The following CDH1 variants were observed in gnomAD, a reference collection of about 807,000 sequenced individuals.
CDH1 encodes the protein cadherin 1, also known as cadherin-1.
In CDH1, 35 loss-of-function variants were observed where a neutral mutation model predicts 84.5. The ratio of observed to expected loss-of-function variants is 0.41; its 90% CI spans 0.32 to 0.55. CDH1 has a LOEUF of 0.55. Ranked by LOEUF, CDH1 falls within the 20% of genes least tolerant of loss-of-function variation. The probability of loss-of-function intolerance (pLI) is 0.19; values close to 1 mark genes in which losing one functional copy is unlikely to be tolerated. For missense variants in CDH1, 994 were observed against 1,126.6 expected (o/e 0.88, Z 1.68); for synonymous variants, 417 against 439.0 (o/e 0.95, Z 0.63).
At position 68,829,739 on chromosome 16, in the gene CDH1, T is replaced by C. The variant is rs1447544874; in HGVS notation, c.2381T>C (p.Val794Ala). The C allele has an allele frequency of 1.9e-6, 3 of 1,613,936 alleles. No homozygotes were observed. The highest frequency in any genetic ancestry group is 3.3e-5 in the Admixed American group (2 of 59,980). The change falls in exon 15 of 16, where the codon GTC becomes GCC. Residue 794 changes from valine to alanine, a missense_variant. Coordinates refer to ENST00000261769, the MANE Select transcript of CDH1 (RefSeq NM_004360.5). ...RNDVAPTLMSVPRYLPRPANP... is the reference protein window; with the variant it reads ...RNDVAPTLMSAPRYLPRPANP... ...GACGTTGCACCAACCCTCATGAGTG[T>C]CCCCCGGTATCTTCCCCGCCCTGCC...
chr16:68,796,033 G>A (rs1960349513), intron 2 of CDH1, among the ~76,000 whole-genome samples: 1 of 151,796 alleles, frequency 6.6e-6, no homozygotes, highest in East Asian at 2.0e-4. Flanking sequence ...CGTGGTGGCA[G>A]GCACCTGTAA....
chr16:68,764,689 A>C (rs560319535), intron 2 of CDH1, among the ~76,000 whole-genome samples: 1 of 152,336 alleles, frequency 6.6e-6, no homozygotes, highest in Admixed American at 6.5e-5. Flanking sequence ...AAAGCAAGCA[A>C]AATATGCAAG....
At chr16:68,778,071 G>A (rs113230604) in intron 2 of CDH1, among the ~76,000 whole-genome samples, 12 of 151,416 alleles carry the variant, frequency 7.9e-5, no homozygotes, top group Middle Eastern at 3.4e-3. Flanking sequence ...TTTTTGAGAC[G>A]GAATCTCGCT....
chr16:68,823,338 T>C, intron 12 of CDH1, 61 bp from the exon 13 acceptor site: 2 of 1,234,720 alleles, frequency 1.6e-6, no homozygotes, highest in Non-Finnish European at 2.4e-6. Flanking sequence ...AATTTTATTC[T>C]GGAATGAGCT....
At chr16:68,799,697 A>G (rs1247205492) in intron 2 of CDH1, among the ~76,000 whole-genome samples, 1 of 151,970 alleles carries the variant, frequency 6.6e-6, no homozygotes, top group Non-Finnish European at 1.5e-5. Context: ...TCTATAAACT[A>G]ATATAATCTT....
At chr16:68,795,590 G>A (rs368058942) in intron 2 of CDH1, among the ~76,000 whole-genome samples, 1 of 152,088 alleles carries the variant, frequency 6.6e-6, no homozygotes, top group Non-Finnish European at 1.5e-5. Context: ...TGCCTCCTGT[G>A]TTCGAGCAAT....
In CDH1 at chr16:68,823,616, T is replaced by G. The variant is rs1445172318; in HGVS notation, c.2154T>G (p.Leu718=). The change falls in exon 13 of 16, where the codon CTT becomes CTG. Residue 718 remains leucine, a synonymous_variant. Transcript: ENST00000261769. ...PAILGILGGI[L]ALLILILLLL... is the part of the protein sequence containing the mutation. ...TTCTGGGGATTCTTGGAGGAATTCTTGCTTTGCTAAGTAAGTCCAGCTGGC... is the reference window on the plus strand; with the variant it reads ...TTCTGGGGATTCTTGGAGGAATTCTGGCTTTGCTAAGTAAGTCCAGCTGGC... The G allele has an allele frequency of 1.2e-6, 2 of 1,610,614 alleles. No individual in the cohort carries two copies.
At chr16:68,816,144 T>C (rs1002451400) in intron 10 of CDH1, among the ~76,000 whole-genome samples, 19 of 152,146 alleles carry the variant, frequency 1.2e-4, no homozygotes, top group Non-Finnish European at 2.5e-4. Context: ...CAGCCTTCCA[T>C]GTAGCCAGGA....
chr16:68,808,395 A>G (rs1960722514), intron 3 of CDH1, 29 bp from the exon 4 acceptor site: 1 of 1,613,960 alleles, frequency 6.2e-7, no homozygotes, highest in South Asian at 1.1e-5. Context: ...GAATTGTCTT[A>G]TCTTGTTCCT....
intron 2 of CDH1, among the ~76,000 whole-genome samples, chr16:68,755,558 T>C (rs1962997709): frequency 1.3e-5 from 2 of 151,910 alleles, no homozygotes; most frequent in South Asian, 4.1e-4. Context: ...GCCAGGCATT[T>C]TCTAGAGAAG....
At chr16:68,770,313 G>T (rs1959529039) in intron 2 of CDH1, among the ~76,000 whole-genome samples, 2 of 152,026 alleles carry the variant, frequency 1.3e-5, no homozygotes, top group African/African-American at 4.8e-5. Flanking sequence ...CTTTTCCTGT[G>T]CCTGGAAGGA....
intron 2 of CDH1, among the ~76,000 whole-genome samples, chr16:68,743,569 A>G (rs1030455044): frequency 6.6e-6 from 1 of 151,662 alleles, no homozygotes; most frequent in Non-Finnish European, 1.5e-5. Context: ...TTTCACCATG[A>G]TGTCAGGCTG....
chr16:68,828,391 C>G (rs2152141723), intron 14 of CDH1, 87 bp downstream of exon 14: 1 of 1,354,598 alleles, frequency 7.4e-7, no homozygotes, highest in Non-Finnish European at 1.1e-6. Context: ...TTTGAAACAG[C>G]TCTGAATCAC....
chr16:68,822,335 C>T, intron 12 of CDH1, 110 bp downstream of exon 12: 1 of 770,914 alleles, frequency 1.3e-6, no homozygotes, highest in Non-Finnish European at 2.3e-6. Flanking sequence ...TCACCCCTTC[C>T]ATTGATACTT....
intron 2 of CDH1, among the ~76,000 whole-genome samples, chr16:68,792,185 T>C (rs1009708311): frequency 6.6e-6 from 1 of 150,384 alleles, no homozygotes; most frequent in African/African-American, 2.5e-5. Flanking sequence ...CCTCCCAAAG[T>C]GCTGTGATTA....
At chr16:68,775,715 G>A (rs992379236) in intron 2 of CDH1, among the ~76,000 whole-genome samples, 2 of 152,184 alleles carry the variant, frequency 1.3e-5, no homozygotes, top group South Asian at 2.1e-4. Flanking sequence ...CATCTGAAGC[G>A]TCTAAGATAA....
intron 2 of CDH1, among the ~76,000 whole-genome samples, chr16:68,749,800 G>C (rs2152117169): frequency 6.6e-6 from 1 of 152,252 alleles, no homozygotes; most frequent in South Asian, 2.1e-4. Flanking sequence ...CTACTACACT[G>C]TTGCCAAACT....
At position 68,811,744 on chromosome 16, in the gene CDH1, C is replaced by T. The variant is rs1017050648; in HGVS notation, c.893C>T (p.Ala298Val). 1.2e-6 allele frequency: 2 copies of T among 1,614,106 alleles called. No individual in the cohort carries two copies. Among genetic ancestry groups the T allele is most frequent in the Non-Finnish European group, 1.7e-6 (2 of 1,179,998 alleles). ...GACGATGATGTGAACACCTACAATG[C>T]CGCCATCGCTTACACCATCCTCAGC... The part of the protein sequence containing the change: ...DADDDVNTYN[A>V]AIAYTILSQD... The change falls in exon 7 of 16, where the codon GCC becomes GTC. Residue 298 changes from alanine to valine, a missense_variant. Ala to Val is a moderately conservative substitution (Grantham distance 64). Coordinates refer to ENST00000261769, the MANE Select transcript of CDH1 (RefSeq NM_004360.5).
chr16:68,804,644 G>A (rs1960603730), intron 3 of CDH1, among the ~76,000 whole-genome samples: 1 of 152,138 alleles, frequency 6.6e-6, no homozygotes, highest in South Asian at 2.1e-4. Flanking sequence ...TGGATATTGG[G>A]TGGTAGGTAG....
Sources: gnomAD v4.1 joint callset for allele counts (sites outside exome capture counted in the v4.1 genomes callset) on GRCh38, gnomAD v4.1.1 for gene constraint, MANE v1.5 for transcripts, NCBI Gene and HGNC (gene_info 2026-07-23, HGNC 2026-07-21) for gene names.